The following PAK6 variants were observed in gnomAD, a reference collection of about 807,000 sequenced individuals.
PAK6 encodes the protein serine/threonine-protein kinase PAK 6.
PAK6 carries 33 observed loss-of-function variants against 60.8 expected under a neutral mutation model. The ratio of observed to expected loss-of-function variants is 0.54; its 90% CI spans 0.41 to 0.73. The LOEUF (loss-of-function observed/expected upper bound fraction) is 0.73. Among genes scored for constraint, PAK6 ranks in the 30% least tolerant of loss-of-function variants. The pLI is 0.00. For synonymous variants in PAK6, 404 were observed against 378.5 expected, an observed-to-expected ratio of 1.07 and a Z score of -0.78; for missense variants, 845 against 904.1, an observed-to-expected ratio of 0.93 and a Z score of 0.84.
At chr15:40,257,734 C>T (rs1466580157) in intron 3 of PAK6, among the ~76,000 whole-genome samples, 1 of 152,138 alleles carries the variant, frequency 6.6e-6, no homozygotes, top group Non-Finnish European at 1.5e-5. Context: ...GCTCTGGTGG[C>T]CCTGGCATCC....
At chr15:40,264,620 C>A in intron 3 of PAK6, 161 bp from the exon 4 acceptor site, 1 of 656,388 alleles carries the variant, frequency 1.5e-6, no homozygotes, top group Non-Finnish European at 2.7e-6. Context: ...TGGGAGCCAG[C>A]CATTTCCCTG....
At chr15:40,252,826 T>G (rs1395898539) in intron 2 of PAK6, 21 of 1,288,912 alleles carry the variant, frequency 1.6e-5, no homozygotes, top group Admixed American at 1.2e-4. Flanking sequence ...GGCGCAGGCA[T>G]CTGGAGCTCC....
chr15:40,274,424 GC>G, intron 10 of PAK6, 148 bp downstream of exon 10: 1 of 828,472 alleles, frequency 1.2e-6, no homozygotes, highest in East Asian at 2.9e-5. Flanking sequence ...CACAAAACCC[GC>G]ACCTGGGTGT....
chr15:40,246,274 A>T (rs1270122426), intron 2 of PAK6: 5 of 152,238 alleles, frequency 3.3e-5, no homozygotes, highest in Non-Finnish European at 4.4e-5. Flanking sequence ...TGATCTTCTC[A>T]TTAGTGTAGA....
chr15:40,266,520 G>T, intron 5 of PAK6, 25 bp downstream of exon 5: 2 of 1,567,486 alleles, frequency 1.3e-6, no homozygotes, highest in South Asian at 2.4e-5. Flanking sequence ...TGGCCTGCAG[G>T]TGTCCACTGG....
rs531249761 is a variant in PAK6 at position 40,266,537 on chromosome 15, G to A, written c.858+42G>A. 11 of 1,534,266 alleles carry A rather than the reference G, an allele frequency of 7.2e-6. No homozygotes were observed. The African/African-American group carries it at 1.4e-4, about 19-fold the overall frequency. On this transcript the variant is annotated intron_variant, in intron 5 of 10. Transcript: ENST00000560346. Reference sequence around the variant, plus strand: ...GCCTGCAGGTGTCCACTGGGGAGTGGGTGTAGGGACACAGGCCTTGCCTAG... The same window carrying A: ...GCCTGCAGGTGTCCACTGGGGAGTGAGTGTAGGGACACAGGCCTTGCCTAG...
rs1371025788 is a variant in PAK6 at position 40,252,318 on chromosome 15, C to A, written c.-117-860C>A. 4.8e-6 allele frequency: 6 copies of A among 1,247,090 alleles called. No individual in the cohort carries two copies. In the East Asian group the frequency reaches 3.3e-4, roughly 68 times the overall value. 77.3% of individuals were successfully genotyped at this position (1,247,090 alleles called of 1,614,324 possible). A position where few individuals can be genotyped will look rare whatever the true frequency, so the allele number is the denominator to read the frequency against. Reference sequence around the variant, plus strand: ...TTCTCCAGGTCGGGTCTCCGCGAGGCGGCCACTGGGCCGTGGAGCCGCAGG... The same window carrying A: ...TTCTCCAGGTCGGGTCTCCGCGAGGAGGCCACTGGGCCGTGGAGCCGCAGG... On this transcript the variant is annotated intron_variant, in intron 2 of 10. Coordinates refer to ENST00000560346, the Ensembl canonical transcript of PAK6.
intron 5 of PAK6, among the ~76,000 whole-genome samples, chr15:40,267,658 G>A (rs1206027897): frequency 1.3e-5 from 2 of 151,830 alleles, no homozygotes; most frequent in Admixed American, 6.6e-5. Flanking sequence ...GCGAGACTCC[G>A]TCTCAAAAAA....
chr15:40,242,675 G>A (rs2038388147), intron 2 of PAK6, among the ~76,000 whole-genome samples: 1 of 152,196 alleles, frequency 6.6e-6, no homozygotes, highest in African/African-American at 2.4e-5. Flanking sequence ...AGGGCGAGCA[G>A]TCTGCCTGGG....
intron 10 of PAK6, among the ~76,000 whole-genome samples, chr15:40,275,380 G>A (rs1296806312): frequency 7.4e-6 from 1 of 135,984 alleles, no homozygotes; most frequent in Non-Finnish European, 1.5e-5. Flanking sequence ...CCGCCTCCTG[G>A]GTTCAAGCAA....
chr15:40,268,594 G>A (rs1418896948), intron 5 of PAK6, among the ~76,000 whole-genome samples: 1 of 152,198 alleles, frequency 6.6e-6, no homozygotes, highest in Non-Finnish European at 1.5e-5. Context: ...CATAACAGCA[G>A]TTAGGCCACA....
chr15:40,270,121 T>C (rs2039260989), intron 5 of PAK6, among the ~76,000 whole-genome samples: 1 of 152,150 alleles, frequency 6.6e-6, no homozygotes, highest in African/African-American at 2.4e-5. Context: ...GCAGCTTCCT[T>C]AGAGCCCCGA....
At chr15:40,266,389 C>T in exon 5 of PAK6, 2 of 1,613,168 alleles carry the variant, frequency 1.2e-6, no homozygotes, top group Non-Finnish European at 1.7e-6. Context: ...AGCCCTAAGA[C>T]CCGGGAGAGC....
chr15:40,273,793 C>A, intron 9 of PAK6, 117 bp downstream of exon 9: 3 of 1,210,646 alleles, frequency 2.5e-6, no homozygotes, highest in South Asian at 1.4e-5. Flanking sequence ...AGAGTCCCAC[C>A]TAGTCAACAC....
intron 1 of PAK6, 75 bp downstream of exon 1, chr15:40,239,877 C>A (rs2038269457): frequency 2.0e-5 from 3 of 152,596 alleles, no homozygotes; most frequent in Admixed American, 2.0e-4. Flanking sequence ...TGTGTGCCGT[C>A]CCCCTGCTGG....
At chr15:40,261,277 GC>G in intron 3 of PAK6, among the ~76,000 whole-genome samples, 1 of 151,322 alleles carries the variant, frequency 6.6e-6, no homozygotes, top group Non-Finnish European at 1.5e-5. Flanking sequence ...GGTGGCTCAT[GC>G]CTGTAATCCC....
At chr15:40,239,354 G>A (rs2038252785), upstream of PAK6, 1 of 152,468 alleles carries the variant, frequency 6.6e-6, no homozygotes, top group African/African-American at 2.4e-5. Context: ...AGGTGACTAA[G>A]CCGGCCCACT....
intron 5 of PAK6, among the ~76,000 whole-genome samples, chr15:40,270,373 A>G (rs1265512651): frequency 6.6e-6 from 1 of 152,050 alleles, no homozygotes; most frequent in Non-Finnish European, 1.5e-5. Context: ...GGACCCAGGG[A>G]CCTTGTTCAA....
chr15:40,242,791 G>C (rs1333518535), intron 2 of PAK6, among the ~76,000 whole-genome samples: 1 of 152,162 alleles, frequency 6.6e-6, no homozygotes, highest in Non-Finnish European at 1.5e-5. Flanking sequence ...GAGATAAAGG[G>C]GACCGTGTCT....
Sources: gnomAD v4.1 joint callset for allele counts (sites outside exome capture counted in the v4.1 genomes callset) on GRCh38, gnomAD v4.1.1 for gene constraint, MANE v1.5 for transcripts, NCBI Gene and HGNC (gene_info 2026-07-23, HGNC 2026-07-21) for gene names.